Variants in DUSP14 observed in about 807,000 individuals in gnomAD.
The protein encoded by DUSP14 is dual specificity phosphatase 14.
DUSP14 carries 5 observed loss-of-function variants against 13.2 expected under a neutral mutation model. That is an observed-to-expected ratio of 0.38 (90% CI 0.20 to 0.80). The LOEUF (loss-of-function observed/expected upper bound fraction) is 0.80, where lower values mean the gene tolerates loss of function less well. Among genes scored for constraint, DUSP14 ranks in the 30% least tolerant of loss-of-function variants. The pLI is 0.44. For missense variants in DUSP14, 185 were observed against 264.0 expected (o/e 0.70, Z 2.07); for synonymous variants, 91 against 103.4 (o/e 0.88, Z 0.73).
chr17:37,491,098 C>T (rs894802234), intron 1 of DUSP14, among the ~76,000 whole-genome samples: 2 of 152,216 alleles, frequency 1.3e-5, no homozygotes, highest in Non-Finnish European at 2.9e-5. Flanking sequence ...AGTTTCTCTC[C>T]GCTCATTTCC....
chr17:37,502,898 C>T (rs1221680837), intron 1 of DUSP14, among the ~76,000 whole-genome samples: 1 of 152,092 alleles, frequency 6.6e-6, no homozygotes, highest in African/African-American at 2.4e-5. Context: ...TTAAAGACAG[C>T]GTCGTTCTGT....
intron 1 of DUSP14, among the ~76,000 whole-genome samples, chr17:37,509,127 A>G (rs2054158796): frequency 2.4e-5 from 1 of 42,482 alleles, no homozygotes; most frequent in Non-Finnish European, 4.1e-5. Flanking sequence ...ATATATATAT[A>G]TACACACACA....
At chr17:37,489,820 G>A (rs2054013180), upstream of DUSP14, 1 of 147,112 alleles carries the variant, frequency 6.8e-6, no homozygotes, top group Non-Finnish European at 1.5e-5. Context: ...GCCAGGCGCA[G>A]GGAGCGTGCG....
chr17:37,494,054 C>T (rs1417066150), intron 1 of DUSP14, among the ~76,000 whole-genome samples: 10 of 149,012 alleles, frequency 6.7e-5, no homozygotes, highest in Middle Eastern at 3.5e-3. Flanking sequence ...AGTGCAGTGG[C>T]GCGATCTCGG....
chr17:37,508,667 G>A (rs1033328965), intron 1 of DUSP14, among the ~76,000 whole-genome samples: 1 of 151,744 alleles, frequency 6.6e-6, no homozygotes, highest in Non-Finnish European at 1.5e-5. Context: ...CTGGGAGGTG[G>A]AGGTTGCAGT....
At position 37,513,016 on chromosome 17, in the gene DUSP14, A is replaced by T. The variant is rs1452564412; in HGVS notation, c.*147A>T. The T allele has an allele frequency of 1.5e-6, 1 of 678,602 alleles. No homozygotes were observed. The highest frequency in any genetic ancestry group is 2.6e-6 in the Non-Finnish European group (1 of 389,402). The allele number at this position is 678,602 out of a possible 1,614,324, so 42.0% of individuals were successfully genotyped here. A position where few individuals can be genotyped will look rare whatever the true frequency, so the allele number is the denominator to read the frequency against. ...TGGGTGTTCAAATTTATTTTAAGAG[A>T]TAGGGAGGGAGGGGACATAAAGGGA... On this transcript the variant is annotated 3_prime_UTR_variant, in exon 3 of 3. Coordinates refer to ENST00000617516, the MANE Select transcript of DUSP14 (RefSeq NM_007026.4).
intron 1 of DUSP14, among the ~76,000 whole-genome samples, chr17:37,490,170 T>G (rs534348182): frequency 1.1e-4 from 17 of 148,160 alleles, no homozygotes; most frequent in Admixed American, 4.0e-4. Context: ...CCCGAGACCT[T>G]CCGCAGCGCA....
chr17:37,507,834 C>T (rs951831968), intron 1 of DUSP14, among the ~76,000 whole-genome samples: 1 of 152,166 alleles, frequency 6.6e-6, no homozygotes, highest in Non-Finnish European at 1.5e-5. Context: ...TCATCCCCAG[C>T]AGCTTGAAGG....
chr17:37,509,232 CTATA>C (rs1399808944), intron 1 of DUSP14, among the ~76,000 whole-genome samples: 5 of 98,572 alleles, frequency 5.1e-5, no homozygotes, highest in Admixed American at 4.4e-4. Flanking sequence ...TATATACACA[CTATA>C]TACACACTAT....
chr17:37,491,088 AG>A (rs1337244389), intron 1 of DUSP14, among the ~76,000 whole-genome samples: 2 of 152,220 alleles, frequency 1.3e-5, no homozygotes, highest in Non-Finnish European at 2.9e-5. Context: ...GACAAGTCAC[AG>A]TTTCTCTCCG....
Position 37,501,016 on chromosome 17 carries a change from G to C in DUSP14, c.-180-9661G>C, listed in dbSNP as rs114072125. ...TCCATTGTGGTCCAATTGTATGACTGAGCCACAAATAGACAACTCATGGAA... is the reference window on the plus strand; with the variant it reads ...TCCATTGTGGTCCAATTGTATGACTCAGCCACAAATAGACAACTCATGGAA... On this transcript the variant is annotated intron_variant, in intron 1 of 2. Transcript: ENST00000617516. Among the ~76,000 whole-genome samples the C allele has an allele frequency of 7.0e-3, 1,066 of 151,642 alleles. 5 individuals are homozygous for C. Among genetic ancestry groups the C allele is most frequent in the African/African-American group, 0.024 (1,000 of 41,428 alleles).
At chr17:37,505,042 C>G (rs544698977) in intron 1 of DUSP14, among the ~76,000 whole-genome samples, 1 of 152,312 alleles carries the variant, frequency 6.6e-6, no homozygotes, top group South Asian at 2.1e-4. Flanking sequence ...CAGGTGCACA[C>G]CACTATGCCT....
At chr17:37,503,540 G>GT (rs1568202444) in intron 1 of DUSP14, among the ~76,000 whole-genome samples, 1 of 152,246 alleles carries the variant, frequency 6.6e-6, no homozygotes, top group African/African-American at 2.4e-5. Context: ...TCAGCAGGGT[G>GT]TTGACCGCAT....
At chr17:37,498,670 T>C (rs1172620861) in intron 1 of DUSP14, among the ~76,000 whole-genome samples, 3 of 107,378 alleles carry the variant, frequency 2.8e-5, no homozygotes, top group Non-Finnish European at 5.5e-5. Context: ...TATATGAAAG[T>C]AATCAGTTTT....
At chr17:37,496,881 A>T (rs546571377) in intron 1 of DUSP14, among the ~76,000 whole-genome samples, 2 of 147,322 alleles carry the variant, frequency 1.4e-5, no homozygotes, top group Non-Finnish European at 3.0e-5. Flanking sequence ...GAGCCACTGC[A>T]CTCCAGCCTG....
chr17:37,493,524 A>G (rs2054042771), intron 1 of DUSP14, among the ~76,000 whole-genome samples: 2 of 152,180 alleles, frequency 1.3e-5, no homozygotes, highest in Non-Finnish European at 2.9e-5. Context: ...ATGAATGAAT[A>G]AAGGTCCCTG....
chr17:37,494,236 G>A (rs374281274), intron 1 of DUSP14, among the ~76,000 whole-genome samples: 12 of 152,012 alleles, frequency 7.9e-5, no homozygotes, highest in Non-Finnish European at 1.5e-4. Context: ...CTCGTGATCC[G>A]CCCGCCTCGG....
At chr17:37,511,756 T>TA (rs112056297) in intron 2 of DUSP14, among the ~76,000 whole-genome samples, 9,082 of 146,416 alleles carry the variant, frequency 0.062, 308 homozygotes, top group Middle Eastern at 0.08. Context: ...CCCAGCTAAT[T>TA]AAAAAAAAAT....
chr17:37,489,712 ACACCGCACGGCGCAGAAGCCCAGCGCG>A (rs2054011960), upstream of DUSP14: 1 of 151,350 alleles, frequency 6.6e-6, no homozygotes. Context: ...CGCCCGGACC[ACACCGCACGGCGCAGAAGCCCAGCGCG>A]CACGCGCGCC....
Sources: gnomAD v4.1 joint callset for allele counts (sites outside exome capture counted in the v4.1 genomes callset) on GRCh38, gnomAD v4.1.1 for gene constraint, MANE v1.5 for transcripts, NCBI Gene and HGNC (gene_info 2026-07-23, HGNC 2026-07-21) for gene names.